The following GSK3B variants were observed in gnomAD, a reference collection of about 807,000 sequenced individuals.
The protein encoded by GSK3B is glycogen synthase kinase 3 beta.
GSK3B carries 15 observed loss-of-function variants against 56.4 expected under a neutral mutation model. That is an observed-to-expected ratio of 0.27 (90% CI 0.18 to 0.41). GSK3B has a LOEUF of 0.41. GSK3B is among the 10% of genes least tolerant of loss of function. GSK3B has a pLI of 1.00. For missense variants in GSK3B, 300 were observed against 513.4 expected (o/e 0.58, Z 4.02); for synonymous variants, 181 against 188.9 (o/e 0.96, Z 0.34).
chr3:119,961,902 A>T (rs905762951), intron 2 of GSK3B, among the ~76,000 whole-genome samples: 2 of 152,208 alleles, frequency 1.3e-5, no homozygotes, highest in African/African-American at 4.8e-5. Flanking sequence ...GCGATACATG[A>T]CTTTGTCCAC....
intron 7 of GSK3B, among the ~76,000 whole-genome samples, chr3:119,893,334 T>C (rs1194261089): frequency 6.6e-6 from 1 of 152,096 alleles, no homozygotes; most frequent in Non-Finnish European, 1.5e-5. Flanking sequence ...TGTAGGTAGC[T>C]AAAGTAATAA....
intron 7 of GSK3B, among the ~76,000 whole-genome samples, chr3:119,899,606 A>C (rs2056605551): frequency 6.6e-6 from 1 of 152,126 alleles, no homozygotes; most frequent in Non-Finnish European, 1.5e-5. Context: ...CATCAAATTG[A>C]AAGCCTAGGA....
At chr3:120,034,082 CTTTAT>C (rs1482583160) in intron 1 of GSK3B, among the ~76,000 whole-genome samples, 4 of 150,146 alleles carry the variant, frequency 2.7e-5, no homozygotes, top group African/African-American at 7.4e-5. Flanking sequence ...TTTAATTGGA[CTTTAT>C]TTTATTATTG....
At chr3:120,022,660 CTCT>C (rs1255020020) in intron 1 of GSK3B, among the ~76,000 whole-genome samples, 1 of 152,204 alleles carries the variant, frequency 6.6e-6, no homozygotes, top group African/African-American at 2.4e-5. Flanking sequence ...CCAAGTCCAC[CTCT>C]TCAAGGCGGA....
chr3:119,995,446 C>T (rs182113527), intron 2 of GSK3B, among the ~76,000 whole-genome samples: 3 of 151,908 alleles, frequency 2.0e-5, no homozygotes, highest in Admixed American at 1.3e-4. Flanking sequence ...ACAGTAATGG[C>T]AATGTTAAGC....
chr3:120,029,685 ACAG>A (rs2057958846), intron 1 of GSK3B: 9 of 532,358 alleles, frequency 1.7e-5, no homozygotes, highest in South Asian at 1.4e-4. Flanking sequence ...GGCCATGGAT[ACAG>A]CAGAAATCTT....
intron 2 of GSK3B, among the ~76,000 whole-genome samples, chr3:119,996,149 C>T (rs752502447): frequency 2.6e-5 from 4 of 152,124 alleles, no homozygotes; most frequent in South Asian, 2.1e-4. Context: ...ACTTTCAAAC[C>T]GCTCATTAGA....
intron 2 of GSK3B, among the ~76,000 whole-genome samples, chr3:119,991,361 A>T (rs1177206299): frequency 6.6e-6 from 1 of 152,220 alleles, no homozygotes; most frequent in African/African-American, 2.4e-5. Context: ...GGAAAAAAAT[A>T]AAATACCACT....
chr3:119,862,667 GTT>G (rs79778347), intron 9 of GSK3B, among the ~76,000 whole-genome samples: 333 of 110,386 alleles, frequency 3.0e-3, no homozygotes, highest in African/African-American at 5.8e-3. Context: ...ACTATTTCTT[GTT>G]TTTTTTTTTT....
chr3:120,020,579 C>T (rs1167577987), intron 1 of GSK3B, among the ~76,000 whole-genome samples: 1 of 152,126 alleles, frequency 6.6e-6, no homozygotes, highest in Non-Finnish European at 1.5e-5. Context: ...GCCCTGACTG[C>T]TCCACCAATC....
rs570682812 is a variant in GSK3B at position 119,823,590 on chromosome 3, G to C, written c.*3198C>G. 51 of 185,338 alleles carry C rather than the reference G, an allele frequency of 2.8e-4. No homozygotes were observed. Among genetic ancestry groups the C allele is most frequent in the African/African-American group, 1.2e-3 (51 of 42,742 alleles). The allele number at this position is 185,338 out of a possible 1,614,324, so 11.5% of individuals were successfully genotyped here. ...ACCCATGGTTAGGGCTTGTGGAAGA[G>C]ACGAGCAAAATTTAATCTATTCGAT... is the stretch of plus-strand genomic sequence containing the variant. On this transcript the variant is annotated 3_prime_UTR_variant, in exon 11 of 11. Transcript: ENST00000264235.
intron 3 of GSK3B, among the ~76,000 whole-genome samples, chr3:119,935,138 C>G (rs546296009): frequency 6.6e-6 from 1 of 152,162 alleles, no homozygotes; most frequent in South Asian, 2.1e-4. Flanking sequence ...ATATTCACTT[C>G]CTAGGTCATA....
intron 2 of GSK3B, among the ~76,000 whole-genome samples, chr3:119,951,617 T>C (rs562609190): frequency 3.3e-5 from 5 of 152,220 alleles, no homozygotes; most frequent in Admixed American, 2.0e-4. Context: ...TATAATATGT[T>C]CAATTGGAAA....
At chr3:119,890,832 A>G (rs756857059) in intron 7 of GSK3B, among the ~76,000 whole-genome samples, 1 of 151,840 alleles carries the variant, frequency 6.6e-6, no homozygotes, top group Non-Finnish European at 1.5e-5. Flanking sequence ...ATTGCTATTT[A>G]TAAGGCTAGC....
At position 119,966,134 on chromosome 3, in the gene GSK3B, T is replaced by C. The variant is rs539349842; in HGVS notation, c.283-18783A>G. On this transcript the variant is annotated intron_variant, in intron 2 of 10. Coordinates refer to ENST00000264235, the MANE Select transcript of GSK3B (RefSeq NM_001146156.2). ...TCCTTGTAACCTACACAACATCCAA[T>C]GTAGTCCTTTGCACACAGTATATAC... 3.1e-4 allele frequency among the ~76,000 whole-genome samples: 47 copies of C among 152,332 alleles called. 1 individual carries two copies. The highest frequency in any genetic ancestry group is 3.4e-3 in the Middle Eastern group (1 of 294).
At position 119,926,729 on chromosome 3, in the gene GSK3B, G is replaced by A. The variant is rs111329550; in HGVS notation, c.367-3246C>T. On this transcript the variant is annotated intron_variant, in intron 3 of 10. Transcript: ENST00000264235. ...CCCTGCTATTTCTTGAACACATATG[G>A]TACATTTTCAGATTCAGGGATTCTG... Among the ~76,000 whole-genome samples, 442 of 152,094 alleles carry A rather than the reference G, an allele frequency of 2.9e-3. 3 individuals carry two copies. The highest frequency in any genetic ancestry group is 4.7e-3 in the Admixed American group (72 of 15,254).
intron 1 of GSK3B, among the ~76,000 whole-genome samples, chr3:120,019,255 G>T (rs2057852416): frequency 6.7e-6 from 1 of 148,844 alleles, no homozygotes. Flanking sequence ...ACCATGTTAT[G>T]AAAAAAAAAA....
At position 119,843,196 on chromosome 3, in the gene GSK3B, T is replaced by C. The variant is rs533603808; in HGVS notation, c.1195+59A>G. On this transcript the variant is annotated intron_variant, in intron 10 of 10. Coordinates refer to ENST00000264235, the MANE Select transcript of GSK3B (RefSeq NM_001146156.2). Reference sequence around the variant, plus strand: ...TCCCAAAGTGCTGGGATTACAGGTGTGAGCCATCATGCCCAGCCCAGAATA... The same window carrying C: ...TCCCAAAGTGCTGGGATTACAGGTGCGAGCCATCATGCCCAGCCCAGAATA... 1.1e-4 allele frequency: 122 copies of C among 1,069,976 alleles called. No homozygotes were observed. In the East Asian group the frequency reaches 3.3e-3, roughly 29 times the overall value. 66.3% of individuals were successfully genotyped at this position (1,069,976 alleles called of 1,614,324 possible). A position where few individuals can be genotyped will look rare whatever the true frequency, so the allele number is the denominator to read the frequency against.
intron 1 of GSK3B, among the ~76,000 whole-genome samples, chr3:120,081,661 C>T (rs772601579): frequency 6.6e-6 from 1 of 152,188 alleles, no homozygotes; most frequent in Non-Finnish European, 1.5e-5. Context: ...CCACTAGACA[C>T]CATATCACAT....
Sources: gnomAD v4.1 joint callset for allele counts (sites outside exome capture counted in the v4.1 genomes callset) on GRCh38, gnomAD v4.1.1 for gene constraint, MANE v1.5 for transcripts, NCBI Gene and HGNC (gene_info 2026-07-23, HGNC 2026-07-21) for gene names.